PRPF3: variants seen among roughly 807,000 people sequenced by gnomAD.
PRPF3 encodes the protein U4/U6 small nuclear ribonucleoprotein Prp3.
In PRPF3, 3 loss-of-function variants were observed where a neutral mutation model predicts 89.2. That is an observed-to-expected ratio of 0.03 (90% CI 0.02 to 0.09). The LOEUF is 0.09. Ranked by LOEUF, PRPF3 falls within the 10% of genes least tolerant of loss-of-function variation. The pLI is 1.00. For missense variants in PRPF3, 463 were observed against 828.8 expected (o/e 0.56, Z 5.42); for synonymous variants, 270 against 289.1 (o/e 0.93, Z 0.67).
chr1:150,347,460 G>T (rs1260579635), intron 14 of PRPF3, among the ~76,000 whole-genome samples: 1 of 152,080 alleles, frequency 6.6e-6, no homozygotes, highest in African/African-American at 2.4e-5. Context: ...GCCAGGCACG[G>T]TGGCTCACAC....
At chr1:150,324,354 G>C (rs1289646463) in intron 1 of PRPF3, among the ~76,000 whole-genome samples, 2 of 152,162 alleles carry the variant, frequency 1.3e-5, no homozygotes, top group African/African-American at 4.8e-5. Flanking sequence ...CTTATTCACA[G>C]AGTTTGTTTA....
In PRPF3 at chr1:150,341,105, C is replaced by CAA. The variant is rs71086503; in HGVS notation, c.1282+649_1282+650dup. On this transcript the variant is annotated intron_variant, in intron 9 of 15. Coordinates refer to ENST00000324862, the MANE Select transcript of PRPF3 (RefSeq NM_004698.4). Reference sequence around the variant, plus strand: ...TGGATGATACTGCCAGACCTTGTCTCAAAAAAAAAAAAAAAAAAAAAAGAA... The same window carrying CAA: ...TGGATGATACTGCCAGACCTTGTCTCAAAAAAAAAAAAAAAAAAAAAAAAGAA... Among the ~76,000 whole-genome samples, 863 of 86,594 alleles carry CAA rather than the reference C, an allele frequency of 1.0e-2. 28 individuals are homozygous for CAA. The highest frequency in any genetic ancestry group is 0.067 in the Admixed American group (456 of 6,828). 56.8% of individuals were successfully genotyped at this position (86,594 alleles called of 152,430 possible). A position where few individuals can be genotyped will look rare whatever the true frequency, so the allele number is the denominator to read the frequency against.
chr1:150,345,860 C>T, intron 12 of PRPF3, 158 bp from the exon 13 acceptor site: 2 of 733,878 alleles, frequency 2.7e-6, no homozygotes, highest in East Asian at 2.5e-5. Context: ...TTTCTAGACT[C>T]ATCAACTCTA....
Position 150,333,143 on chromosome 1 carries a change from C to T in PRPF3, c.672C>T (p.Ile224=), listed in dbSNP as rs376095546. 46 of 1,614,102 alleles carry T rather than the reference C, an allele frequency of 2.8e-5. No individual in the cohort carries two copies. Among genetic ancestry groups the T allele is most frequent in the East Asian group, 1.1e-4 (5 of 44,894 alleles). The change falls in exon 6 of 16, where the codon ATC becomes ATT. Residue 224 remains isoleucine, a synonymous_variant. Coordinates refer to ENST00000324862, the MANE Select transcript of PRPF3 (RefSeq NM_004698.4). ...AGCTGGCACTGAAGCCAGGACTCATCGGCAATGCCAACATGGTGGGCCTGG... is the reference window on the plus strand; with the variant it reads ...AGCTGGCACTGAAGCCAGGACTCATTGGCAATGCCAACATGGTGGGCCTGG... The part of the protein sequence containing the change: ...QAQLALKPGL[I]GNANMVGLAN...
rs782530377 is a variant in PRPF3, at chr1:150,332,736, A to G, written c.476A>G (p.Gln159Arg). Residue 159 changes from glutamine (Q) to arginine (R), a missense_variant, in exon 5 of 16, where the codon CAG becomes CGG. Coordinates refer to ENST00000324862, the MANE Select transcript of PRPF3 (RefSeq NM_004698.4). ...ATRQIEERKK[Q>R]LSFISPPTPQ... is the part of the protein sequence containing the mutation. Reference sequence around the variant, plus strand: ...CGACAAATCGAGGAGAGGAAAAAACAGCTGAGCTTCATTAGCCCCCCTACA... The same window carrying G: ...CGACAAATCGAGGAGAGGAAAAAACGGCTGAGCTTCATTAGCCCCCCTACA... 6.2e-7 allele frequency: 1 copy of G among 1,614,194 alleles called. No individual in the cohort carries two copies. The highest frequency in any genetic ancestry group is 2.2e-5 in the East Asian group (1 of 44,888).
Position 150,349,170 on chromosome 1 carries a change from T to A in PRPF3, c.1857T>A (p.Ser619=). ...TTTCTCTTCCAGATGATGAGGAGTC[T>A]GATGAGGAAGCTGTGAAGAAAACCA... ...SNTKGDDDEE[S]DEEAVKKTNK... Residue 619 remains serine, a synonymous_variant, in exon 15 of 16, where the codon TCT becomes TCA. Transcript: ENST00000324862. The A allele has an allele frequency of 1.2e-6, 2 of 1,613,762 alleles. No individual in the cohort carries two copies. Among genetic ancestry groups the A allele is most frequent in the Non-Finnish European group, 1.7e-6 (2 of 1,179,724 alleles).
At chr1:150,324,569 TA>T (rs1360234928) in intron 1 of PRPF3, among the ~76,000 whole-genome samples, 2 of 148,084 alleles carry the variant, frequency 1.4e-5, no homozygotes, top group South Asian at 2.1e-4. Context: ...TTTTTTTTTG[TA>T]GAGAGAGTCT....
chr1:150,323,263 G>A (rs71622692), intron 1 of PRPF3, among the ~76,000 whole-genome samples: 6 of 125,760 alleles, frequency 4.8e-5, no homozygotes, highest in Non-Finnish European at 7.9e-5. Flanking sequence ...CGCAACCTCC[G>A]CCTCCTGGGT....
At chr1:150,339,376 C>CA (rs111630557) in intron 8 of PRPF3, among the ~76,000 whole-genome samples, 6,893 of 136,934 alleles carry the variant, frequency 0.05, 392 homozygotes, top group African/African-American at 0.13. Context: ...AACTCTGTCT[C>CA]AAAAAAAAAA....
intron 4 of PRPF3, among the ~76,000 whole-genome samples, chr1:150,331,124 G>A (rs587700027): frequency 7.2e-5 from 11 of 152,236 alleles, no homozygotes; most frequent in African/African-American, 1.2e-4. Flanking sequence ...TGCAACGTCC[G>A]CCTCCTGGGT....
intron 4 of PRPF3, among the ~76,000 whole-genome samples, chr1:150,330,778 G>C (rs111291031): frequency 0.077 from 11,545 of 149,146 alleles, 558 homozygotes; most frequent in Non-Finnish European, 0.093. Flanking sequence ...GTGTAATGGC[G>C]CTATCTCGGC....
intron 15 of PRPF3, among the ~76,000 whole-genome samples, chr1:150,351,430 T>C (rs980548856): frequency 4.6e-5 from 7 of 152,142 alleles, no homozygotes; most frequent in African/African-American, 1.4e-4. Flanking sequence ...GCATACAAAT[T>C]AGATGATAAT....
chr1:150,338,026 A>C (rs587618925), intron 7 of PRPF3, 134 bp from the exon 8 acceptor site: 2 of 866,052 alleles, frequency 2.3e-6, no homozygotes, highest in Non-Finnish European at 3.6e-6. Context: ...GTTAGCCAAG[A>C]CCATGCCATT....
At chr1:150,342,505 TACAC>T (rs147409085) in intron 9 of PRPF3, among the ~76,000 whole-genome samples, 2 of 150,944 alleles carry the variant, frequency 1.3e-5, no homozygotes, top group South Asian at 2.1e-4. Context: ...TTAAAGTTTA[TACAC>T]ACACACACAC....
intron 4 of PRPF3, among the ~76,000 whole-genome samples, chr1:150,329,387 G>C (rs1212869434): frequency 6.6e-6 from 1 of 152,040 alleles, no homozygotes; most frequent in African/African-American, 2.4e-5. Context: ...ATTTGACCAG[G>C]AGTATTCTAG....
chr1:150,326,178 T>C lies in PRPF3; in HGVS notation c.276+297T>C, dbSNP rs75875986. 8.3e-3 allele frequency among the ~76,000 whole-genome samples: 1,270 copies of C among 152,278 alleles called. 25 individuals are homozygous for C. The highest frequency in any genetic ancestry group is 0.029 in the African/African-American group (1,215 of 41,548). On this transcript the variant is annotated intron_variant, in intron 3 of 15. Coordinates refer to ENST00000324862, the MANE Select transcript of PRPF3 (RefSeq NM_004698.4). ...TTTTTTTCCTTCTTACTGTTACTTATAAACTGATTGCTCTAAGATTTTATC... is the reference window on the plus strand; with the variant it reads ...TTTTTTTCCTTCTTACTGTTACTTACAAACTGATTGCTCTAAGATTTTATC...
chr1:150,333,307 C>A, intron 6 of PRPF3, 108 bp downstream of exon 6: 1 of 1,259,630 alleles, frequency 7.9e-7, no homozygotes, highest in South Asian at 1.3e-5. Flanking sequence ...GGCCTGTAAT[C>A]GTAGCACTTT....
intron 4 of PRPF3, among the ~76,000 whole-genome samples, chr1:150,331,200 A>G (rs112431552): frequency 0.048 from 7,188 of 150,192 alleles, 428 homozygotes; most frequent in African/African-American, 0.13. Flanking sequence ...CACCATGTCC[A>G]GCTAATTTTT....
Position 150,335,116 on chromosome 1 carries a change from G to A in PRPF3, c.910G>A (p.Asp304Asn), listed in dbSNP as rs1445600715. The change falls in exon 7 of 16, where the codon GAC (aspartate) becomes AAC (asparagine). Residue 304 changes from aspartate (D) to asparagine (N), a missense_variant. Transcript: ENST00000324862. ...KQQLKEKPSE[D>N]MESNTFFDPR... ...ACAACTAAAGGAAAAGCCATCAGAA[G>A]ACATGGAATCCAATACCTTTTTTGA... is the stretch of plus-strand genomic sequence containing the variant. 6.2e-7 allele frequency: 1 copy of A among 1,614,050 alleles called. No individual in the cohort carries two copies. The highest frequency in any genetic ancestry group is 8.5e-7 in the Non-Finnish European group (1 of 1,180,010).
Sources: gnomAD v4.1 joint callset for allele counts (sites outside exome capture counted in the v4.1 genomes callset) on GRCh38, gnomAD v4.1.1 for gene constraint, MANE v1.5 for transcripts, NCBI Gene and HGNC (gene_info 2026-07-23, HGNC 2026-07-21) for gene names.